The following APC2 variants were observed in gnomAD, a reference collection of about 807,000 sequenced individuals.
APC2 encodes APC regulator of Wnt signaling pathway 2, also known as adenomatous polyposis coli protein 2.
In APC2, 41 loss-of-function variants were observed where a neutral mutation model predicts 72.5. The observed-to-expected ratio is 0.57, with a 90% CI of 0.44 to 0.73. APC2 has a LOEUF of 0.73. Ranked by LOEUF, APC2 falls within the 30% of genes least tolerant of loss-of-function variation. The pLI is 0.00. For missense variants in APC2, 3,729 were observed against 3,403.4 expected, an observed-to-expected ratio of 1.10 and a Z score of -2.38; for synonymous variants, 1,898 against 1,612.0, an observed-to-expected ratio of 1.18 and a Z score of -4.25.
chr19:1,456,840 G>T lies in APC2; in HGVS notation c.817-13G>T. On this transcript the variant is annotated splice_polypyrimidine_tract_variant and intron_variant, in intron 8 of 14. Coordinates refer to ENST00000590469, the MANE Select transcript of APC2 (RefSeq NM_005883.3). Reference sequence around the variant, plus strand: ...AGGTGAGGGACCCCACCCTGACCCTGCCCTCCCCCCAGGTGGAGGTGGTCT... The same window carrying T: ...AGGTGAGGGACCCCACCCTGACCCTTCCCTCCCCCCAGGTGGAGGTGGTCT... 6.3e-7 allele frequency: 1 copy of T among 1,591,412 alleles called. No homozygotes were observed. The highest frequency in any genetic ancestry group is 8.5e-7 in the Non-Finnish European group (1 of 1,174,590).
rs943846267 is a variant in APC2, at chr19:1,471,483, C to G, written c.*1270C>G. ...CTGAGGGGCTCGGCTGCCTCATCCC[C>G]TGGCGGGGGAGGCTGGGAGCTGGGC... On this transcript the variant is annotated 3_prime_UTR_variant, in exon 15 of 15. Transcript: ENST00000590469. The G allele has an allele frequency of 6.6e-6, 1 of 152,242 alleles. No homozygotes were observed. Among genetic ancestry groups the G allele is most frequent in the Non-Finnish European group, 1.5e-5 (1 of 68,076 alleles). 9.4% of individuals were successfully genotyped at this position (152,242 alleles called of 1,614,324 possible). A position where few individuals can be genotyped will look rare whatever the true frequency, so the allele number is the denominator to read the frequency against.
At chr19:1,446,910 G>A (rs1300993457), upstream of APC2, among the ~76,000 whole-genome samples, 1 of 152,218 alleles carries the variant, frequency 6.6e-6, no homozygotes, top group Non-Finnish European at 1.5e-5. The surrounding 1 kb of genome is among the most constrained non-coding windows in gnomAD (Gnocchi z 6.1). Flanking sequence ...CTCATTGGAG[G>A]GGAAACTGAG....
Position 1,468,634 on chromosome 19 carries a change from A to T in APC2, c.5333A>T (p.Gln1778Leu). 6.2e-7 allele frequency: 1 copy of T among 1,600,044 alleles called. No homozygotes were observed. Among genetic ancestry groups the T allele is most frequent in the Non-Finnish European group, 8.5e-7 (1 of 1,172,402 alleles). ...PAGPEKPRGT[Q>L]KTTPGVPAVL... is the part of the protein sequence containing the mutation. ...GGCCCCGAGAAGCCACGTGGCACAC[A>T]GAAGACCACGCCCGGGGTGCCAGCT... Residue 1778 changes from glutamine to leucine, a missense_variant, in exon 15 of 15, where the codon CAG (glutamine) becomes CTG (leucine). Coordinates refer to ENST00000590469, the MANE Select transcript of APC2 (RefSeq NM_005883.3).
chr19:1,450,430 A>C (rs954641890), intron 1 of APC2, 92 bp downstream of exon 1: 1 of 911,098 alleles, frequency 1.1e-6, no homozygotes, highest in African/African-American at 1.8e-5. Context: ...GTCAGCACAG[A>C]CTCTGGACCC....
At chr19:1,453,979 C>A (rs117475551) in intron 4 of APC2, among the ~76,000 whole-genome samples, 2,338 of 152,282 alleles carry the variant, frequency 0.015, 65 homozygotes, top group African/African-American at 0.048. Flanking sequence ...GGCTCAAAGC[C>A]GTCTTTGTAG....
At position 1,469,573 on chromosome 19, in the gene APC2, C is replaced by T. The variant is rs754442445; in HGVS notation, c.6272C>T (p.Ala2091Val). ...CGCCTGCCTGTGCGCGCGCCCGCCG[C>T]CCGGCCGGAGACTGTCAAGCGCTAC... is the stretch of plus-strand genomic sequence containing the variant. ...PSRLPVRAPAARPETVKRYAS... is the reference protein window; with the variant it reads ...PSRLPVRAPAVRPETVKRYAS... The change falls in exon 15 of 15, where the codon GCC becomes GTC. Residue 2091 changes from alanine to valine, a missense_variant. Transcript: ENST00000590469. The T allele has an allele frequency of 4.0e-6, 5 of 1,249,178 alleles. No homozygotes were observed. The South Asian group carries it at 9.0e-5, about 22-fold the overall frequency. 77.4% of individuals were successfully genotyped at this position (1,249,178 alleles called of 1,614,324 possible).
intron 8 of APC2, 103 bp downstream of exon 8, chr19:1,456,507 A>T: frequency 8.1e-7 from 1 of 1,227,636 alleles, no homozygotes; most frequent in Non-Finnish European, 1.1e-6. Flanking sequence ...GCCTCCATCC[A>T]GCACCCCCTC....
chr19:1,457,279 T>A lies in APC2; in HGVS notation c.1207+36T>A, dbSNP rs547326464. 8 of 1,485,790 alleles carry A rather than the reference T, an allele frequency of 5.4e-6. No homozygotes were observed. The South Asian group carries it at 1.0e-4, about 19-fold the overall frequency. The allele number at this position is 1,485,790 out of a possible 1,614,324, so 92.0% of individuals were successfully genotyped here. On this transcript the variant is annotated intron_variant, in intron 9 of 14. Coordinates refer to ENST00000590469, the MANE Select transcript of APC2 (RefSeq NM_005883.3). ...GGCCTGGTGGGCCCCCTCCGCGCAA[T>A]TAACGTGCAGCTAGGGCTTCCCGGG...
chr19:1,462,310 C>T (rs907561948), intron 14 of APC2, 133 bp downstream of exon 14: 9 of 803,632 alleles, frequency 1.1e-5, no homozygotes, highest in East Asian at 2.7e-5. Flanking sequence ...AGCATAAATA[C>T]GTCCCAAATA....
At chr19:1,458,351 A>T (rs2083871255) in intron 10 of APC2, 2 of 454,354 alleles carry the variant, frequency 4.4e-6, no homozygotes, top group Non-Finnish European at 4.0e-6. Context: ...CAGAAGGGCA[A>T]AGATAGATAG....
chr19:1,466,005 C>T lies in APC2; in HGVS notation c.2704C>T (p.Arg902Trp), dbSNP rs570460900. ...CSPCRGPEGG[R>W]REAGSRAHPL... ...GCCATGCCGCGGCCCGGAGGGCGGG[C>T]GGCGAGAGGCAGGAAGCCGGGCGCA... Residue 902 changes from arginine (R) to tryptophan (W), a missense_variant, in exon 15 of 15, where the codon CGG (arginine) becomes TGG (tryptophan). Transcript: ENST00000590469. 4.0e-6 allele frequency: 6 copies of T among 1,499,206 alleles called. No homozygotes were observed. The Admixed American group carries it at 7.3e-5, about 18-fold the overall frequency. The allele number at this position is 1,499,206 out of a possible 1,614,324, so 92.9% of individuals were successfully genotyped here.
rs368556143 is a variant in APC2, at chr19:1,457,997, G to C, written c.1240G>C (p.Ala414Pro). The C allele has an allele frequency of 1.3e-6, 2 of 1,564,644 alleles. No individual in the cohort carries two copies. The highest frequency in any genetic ancestry group is 2.7e-5 in the African/African-American group (2 of 73,962). ...PIPIEPQICQ[A>P]TCAVMKLSFD... ...CCCCATCGAGCCGCAGATCTGCCAG[G>C]CCACCTGTGCTGTTATGAAGCTGTC... Residue 414 changes from alanine (A) to proline (P), a missense_variant, in exon 10 of 15, where the codon GCC (alanine) becomes CCC (proline). Physicochemically the swap from Ala to Pro is conservative, Grantham distance 27 (BLOSUM62 -1). Coordinates refer to ENST00000590469, the MANE Select transcript of APC2 (RefSeq NM_005883.3).
Position 1,469,393 on chromosome 19 carries a change from C to CCG in APC2, c.6096_6097dup (p.Leu2033ArgfsTer303). ...GGCGCCTCGCCCCGCCGCGGCCGGC[C>CCG]CGCGCTGCCCGCCGTCTTCCTCTGC... On this transcript the variant is annotated frameshift_variant, in exon 15 of 15. Transcript: ENST00000590469. LOFTEE classifies it low-confidence loss of function (END_TRUNC). 1 of 1,214,330 alleles carries CCG rather than the reference C, an allele frequency of 8.2e-7. No homozygotes were observed. Among genetic ancestry groups the CCG allele is most frequent in the Non-Finnish European group, 1.0e-6 (1 of 976,820 alleles). 75.2% of individuals were successfully genotyped at this position (1,214,330 alleles called of 1,614,324 possible).
chr19:1,467,542 C>A lies in APC2; in HGVS notation c.4241C>A (p.Pro1414His). Reference protein sequence around the residue: ...ASLSDETLQGPPRDQPGGPAG... With the variant: ...ASLSDETLQGHPRDQPGGPAG... ...CTCAGCGACGAGACGCTGCAGGGACCCCCCAGGGACCAGCCCGGGGGACCA... is the reference window on the plus strand; with the variant it reads ...CTCAGCGACGAGACGCTGCAGGGACACCCCAGGGACCAGCCCGGGGGACCA... The change falls in exon 15 of 15, where the codon CCC becomes CAC. Residue 1414 changes from proline to histidine, a missense_variant. Physicochemically the swap from Pro to His is moderately conservative, Grantham distance 77 (BLOSUM62 -2). Coordinates refer to ENST00000590469, the MANE Select transcript of APC2 (RefSeq NM_005883.3). The A allele has an allele frequency of 8.0e-6, 12 of 1,491,850 alleles. No individual in the cohort carries two copies. The highest frequency in any genetic ancestry group is 1.1e-5 in the Non-Finnish European group (12 of 1,126,584). The allele number at this position is 1,491,850 out of a possible 1,614,324, so 92.4% of individuals were successfully genotyped here.
intron 9 of APC2, chr19:1,457,675 A>C: frequency 1.9e-6 from 1 of 534,408 alleles, no homozygotes; most frequent in Non-Finnish European, 3.4e-6. Flanking sequence ...TCCAGTCTGG[A>C]CAACAGAGCG....
At chr19:1,456,438 C>T (rs746693912) in intron 8 of APC2, 34 bp downstream of exon 8, 40 of 1,540,430 alleles carry the variant, frequency 2.6e-5, no homozygotes, top group Non-Finnish European at 2.9e-5. Flanking sequence ...GCTGGCGCAG[C>T]TGTCTGGGCT....
Position 1,466,652 on chromosome 19 carries a change from C to G in APC2, c.3351C>G (p.Pro1117=). Residue 1117 remains proline (P), a synonymous_variant, in exon 15 of 15, where the codon CCC becomes CCG. Transcript: ENST00000590469. The stretch of plus-strand genomic sequence containing the variant: ...AGCTGGACAGCACGTGGCGGGCGCC[C>G]GGGGCCACCTCGCTGCCCGTAGCCA... ...EAELDSTWRA[P]GATSLPVAIP... 2.7e-6 allele frequency: 4 copies of G among 1,494,578 alleles called. No homozygotes were observed. Among genetic ancestry groups the G allele is most frequent in the South Asian group, 1.3e-5 (1 of 76,996 alleles). 92.6% of individuals were successfully genotyped at this position (1,494,578 alleles called of 1,614,324 possible). A position where few individuals can be genotyped will look rare whatever the true frequency, so the allele number is the denominator to read the frequency against.
chr19:1,457,036 G>A lies in APC2; in HGVS notation c.1000G>A (p.Ala334Thr), dbSNP rs2083841771. The A allele has an allele frequency of 1.3e-6, 2 of 1,526,548 alleles. No homozygotes were observed. The highest frequency in any genetic ancestry group is 2.1e-5 in the Admixed American group (1 of 48,146). The allele number at this position is 1,526,548 out of a possible 1,614,324, so 94.6% of individuals were successfully genotyped here. ...GGCCGCGGCCGGGGGTCGCGCCGGG[G>A]CCCCAGGGGCACCGGGCGCCAAGGA... ...TEAAAGGRAG[A>T]PGAPGAKDAR... The change falls in exon 9 of 15, where the codon GCC becomes ACC. Residue 334 changes from alanine (A) to threonine (T), a missense_variant. Ala to Thr is a moderately conservative substitution (Grantham distance 58, BLOSUM62 0). Transcript: ENST00000590469.
In APC2 at chr19:1,457,013, C is replaced by T. The variant is rs1599138528; in HGVS notation, c.977C>T (p.Ala326Val). 1 of 1,529,352 alleles carries T rather than the reference C, an allele frequency of 6.5e-7. No individual in the cohort carries two copies. The allele number at this position is 1,529,352 out of a possible 1,614,324, so 94.7% of individuals were successfully genotyped here. A position where few individuals can be genotyped will look rare whatever the true frequency, so the allele number is the denominator to read the frequency against. ...CTGCAAATCCTCCACGGCACCGAGG[C>T]CGCGGCCGGGGGTCGCGCCGGGGCC... ...LLLQILHGTE[A>V]AAGGRAGAPG... The change falls in exon 9 of 15, where the codon GCC (alanine) becomes GTC (valine). Residue 326 changes from alanine (A) to valine (V), a missense_variant. Ala to Val is a moderately conservative substitution (Grantham distance 64). Transcript: ENST00000590469.
Sources: gnomAD v4.1 joint callset for allele counts (sites outside exome capture counted in the v4.1 genomes callset) on GRCh38, gnomAD v4.1.1 for gene constraint, Gnocchi (gnomAD v3.1) non-coding constraint, MANE v1.5 for transcripts, NCBI Gene and HGNC (gene_info 2026-07-23, HGNC 2026-07-21) for gene names.